TTC7A: variants seen among roughly 807,000 people sequenced by gnomAD.
TTC7A encodes tetratricopeptide repeat domain 7A, also known as tetratricopeptide repeat protein 7A.
TTC7A carries 110 observed loss-of-function variants against 103.7 expected under a neutral mutation model. That is an observed-to-expected ratio of 1.06 (90% CI 0.91 to 1.24). The LOEUF (loss-of-function observed/expected upper bound fraction) is 1.24, where lower values mean the gene tolerates loss of function less well. Ranked by LOEUF, TTC7A falls within the 50% of genes most tolerant of loss-of-function variation. The pLI, the probability that TTC7A is intolerant of heterozygous loss-of-function variation, is 0.00. For synonymous variants in TTC7A, 521 were observed against 467.9 expected (o/e 1.11, Z -1.47); for missense variants, 1,340 against 1,116.3 (o/e 1.20, Z -2.86).
chr2:47,003,828 G>A (rs931534191), intron 8 of TTC7A, among the ~76,000 whole-genome samples: 2 of 152,212 alleles, frequency 1.3e-5, no homozygotes, highest in East Asian at 1.9e-4. Context: ...GTTGGAGGCC[G>A]CCCCTGTGGG....
intron 19 of TTC7A, among the ~76,000 whole-genome samples, chr2:47,073,046 C>G (rs901904957): frequency 6.6e-6 from 1 of 152,114 alleles, no homozygotes; most frequent in Non-Finnish European, 1.5e-5. Context: ...GCCAATCCAG[C>G]CCGTTCACCC....
rs1224562226 is a variant in TTC7A, at chr2:46,956,894, G to A, written c.404G>A (p.Gly135Asp). Residue 135 changes from glycine to aspartate, a missense_variant, in exon 3 of 20, where the codon GGC becomes GAC. By Grantham distance (94) the Gly-to-Asp change is moderately conservative. Coordinates refer to ENST00000319190, the MANE Select transcript of TTC7A (RefSeq NM_020458.4). Reference protein sequence around the residue: ...LILGKLHYVEGSYRDAISMYA... With the variant: ...LILGKLHYVEDSYRDAISMYA... ...CTGGGCAAACTGCATTACGTGGAGG[G>A]CTCATACCGAGATGCCATCAGCATG... 6.2e-6 allele frequency: 10 copies of A among 1,614,216 alleles called. No individual in the cohort carries two copies. The highest frequency in any genetic ancestry group is 1.6e-4 in the Middle Eastern group (1 of 6,062).
chr2:46,977,468 T>G lies in TTC7A; in HGVS notation c.649-1324T>G, dbSNP rs185953970. ...TGTCTGGTTGGGCAGGAGGACCCTG[T>G]TAGAGCTGAGGCTTTTAAGCAACAG... On this transcript the variant is annotated intron_variant, in intron 4 of 19. Coordinates refer to ENST00000319190, the MANE Select transcript of TTC7A (RefSeq NM_020458.4). Among the ~76,000 whole-genome samples, 210 of 152,336 alleles carry G rather than the reference T, an allele frequency of 1.4e-3. 2 individuals are homozygous for G. Among genetic ancestry groups the G allele is most frequent in the African/African-American group, 4.9e-3 (202 of 41,588 alleles).
In TTC7A at chr2:47,060,780, A is replaced by G. The variant is rs1683706749; in HGVS notation, c.2164A>G (p.Met722Val). Residue 722 changes from methionine (M) to valine (V), a missense_variant, in exon 19 of 20, where the codon ATG becomes GTG. Met to Val is a conservative substitution (Grantham distance 21, BLOSUM62 1). Coordinates refer to ENST00000319190, the MANE Select transcript of TTC7A (RefSeq NM_020458.4). ...QIWLQAAELF[M>V]EQQHLKEAGF... ...TTCTGCTTTTGCAGCTGAGCTGTTC[A>G]TGGAGCAGCAGCACCTCAAGGAAGC... 6.2e-7 allele frequency: 1 copy of G among 1,608,140 alleles called. No individual in the cohort carries two copies. The highest frequency in any genetic ancestry group is 8.5e-7 in the Non-Finnish European group (1 of 1,175,540).
intron 19 of TTC7A, among the ~76,000 whole-genome samples, chr2:47,070,589 G>A (rs1256504795): frequency 6.6e-6 from 1 of 152,210 alleles, no homozygotes; most frequent in Non-Finnish European, 1.5e-5. Context: ...AACTAAGCGT[G>A]ACCTTGAGGC....
At chr2:47,068,862 C>CAAA (rs201835431) in intron 19 of TTC7A, among the ~76,000 whole-genome samples, 21 of 69,792 alleles carry the variant, frequency 3.0e-4, no homozygotes, top group African/African-American at 5.9e-4. Flanking sequence ...TCAATTTTTT[C>CAAA]AAAAAAAAAA....
chr2:46,950,644 C>A (rs1671328656), intron 2 of TTC7A, 118 bp downstream of exon 2: 1 of 1,166,554 alleles, frequency 8.6e-7, no homozygotes, highest in Non-Finnish European at 1.2e-6. Flanking sequence ...TACAAGCTGC[C>A]CTTGCACTTA....
At chr2:46,986,427 G>A (rs183958237) in intron 5 of TTC7A, among the ~76,000 whole-genome samples, 3 of 152,282 alleles carry the variant, frequency 2.0e-5, no homozygotes, top group Admixed American at 2.0e-4. Context: ...TCGAGCTATG[G>A]CCAGGAGGAG....
At chr2:46,998,365 T>C (rs900088449) in intron 8 of TTC7A, among the ~76,000 whole-genome samples, 1 of 152,172 alleles carries the variant, frequency 6.6e-6, no homozygotes, top group African/African-American at 2.4e-5. Context: ...GACCTGCCTT[T>C]TCTCCTGCCT....
At chr2:46,968,184 T>A (rs1673023443) in intron 3 of TTC7A, among the ~76,000 whole-genome samples, 1 of 152,206 alleles carries the variant, frequency 6.6e-6, no homozygotes, top group African/African-American at 2.4e-5. Context: ...TGTGCCAGGA[T>A]CAGCTTGGCT....
At chr2:46,927,135 A>C (rs920401165) in intron 2 of TTC7A, among the ~76,000 whole-genome samples, 2 of 152,156 alleles carry the variant, frequency 1.3e-5, no homozygotes, top group African/African-American at 4.8e-5. Context: ...ACTTGTATGT[A>C]GTTGGAGTCA....
chr2:47,005,577 T>C (rs990851649), intron 8 of TTC7A, among the ~76,000 whole-genome samples: 1 of 152,082 alleles, frequency 6.6e-6, no homozygotes, highest in Non-Finnish European at 1.5e-5. Flanking sequence ...CAATAATAGT[T>C]ATATAGAGAG....
chr2:46,941,935 G>A lies in TTC7A; in HGVS notation c.184+210G>A. The A allele has an allele frequency of 1.6e-6, 1 of 636,578 alleles. No individual in the cohort carries two copies. The allele number at this position is 636,578 out of a possible 1,614,324, so 39.4% of individuals were successfully genotyped here. ...TGGGGGCTTGGAGGGAAGAGAAACG[G>A]CTTTTGCTCTGTGTCCTTTAGGATA... is the stretch of plus-strand genomic sequence containing the variant. On this transcript the variant is annotated intron_variant, in intron 1 of 19. Transcript: ENST00000319190. This position sits in a 1 kb window ranked among gnomAD's most constrained non-coding sequence, Gnocchi z 4.2.
At chr2:47,057,547 A>C (rs1223708847) in intron 18 of TTC7A, among the ~76,000 whole-genome samples, 1 of 152,184 alleles carries the variant, frequency 6.6e-6, no homozygotes, top group Non-Finnish European at 1.5e-5. Flanking sequence ...CAGCGCAGCA[A>C]GTTGTAAACA....
In TTC7A at chr2:46,968,256, A is replaced by G. The variant is rs371514381; in HGVS notation, c.518-6717A>G. Reference sequence around the variant, plus strand: ...CCTCCTCTTGCAAGGGACCTTTCCTAGAGCTGGGTATTGGCACAGAAAGGC... The same window carrying G: ...CCTCCTCTTGCAAGGGACCTTTCCTGGAGCTGGGTATTGGCACAGAAAGGC... On this transcript the variant is annotated intron_variant, in intron 3 of 19. Coordinates refer to ENST00000319190, the MANE Select transcript of TTC7A (RefSeq NM_020458.4). 2.6e-5 allele frequency among the ~76,000 whole-genome samples: 4 copies of G among 152,328 alleles called. No homozygotes were observed. In the East Asian group the frequency reaches 5.8e-4, roughly 22 times the overall value.
At chr2:46,918,499 G>A (rs944819326) in intron 2 of TTC7A, among the ~76,000 whole-genome samples, 1 of 152,196 alleles carries the variant, frequency 6.6e-6, no homozygotes, top group African/African-American at 2.4e-5. Flanking sequence ...CCATTTTATA[G>A]GTGGGTGTTC....
At chr2:47,014,666 C>A (rs1341487222) in intron 11 of TTC7A, among the ~76,000 whole-genome samples, 1 of 152,254 alleles carries the variant, frequency 6.6e-6, no homozygotes, top group Non-Finnish European at 1.5e-5. Context: ...GCGGCTCACA[C>A]CCCCTTCGTC....
At chr2:47,042,002 G>A (rs1681806841) in intron 15 of TTC7A, among the ~76,000 whole-genome samples, 1 of 152,164 alleles carries the variant, frequency 6.6e-6, no homozygotes, top group African/African-American at 2.4e-5. Context: ...GATGATTGAA[G>A]CTTAATAGCA....
intron 3 of TTC7A, among the ~76,000 whole-genome samples, chr2:46,958,069 C>T (rs1391651428): frequency 6.6e-6 from 1 of 152,154 alleles, no homozygotes; most frequent in Non-Finnish European, 1.5e-5. Flanking sequence ...GTGAGTCCTC[C>T]AAGGCCCTGC....
Sources: gnomAD v4.1 joint callset for allele counts (sites outside exome capture counted in the v4.1 genomes callset) on GRCh38, gnomAD v4.1.1 for gene constraint, Gnocchi (gnomAD v3.1) non-coding constraint, MANE v1.5 for transcripts, NCBI Gene and HGNC (gene_info 2026-07-23, HGNC 2026-07-21) for gene names.